The following ZNF385D variants were observed in gnomAD, a reference collection of about 807,000 sequenced individuals.
ZNF385D encodes zinc finger protein 385D, also known as zinc finger protein 659.
A neutral mutation model predicts 35.8 loss-of-function variants in ZNF385D; 15 were observed. The observed-to-expected ratio is 0.42, with a 90% confidence interval of 0.28 to 0.64. The LOEUF (loss-of-function observed/expected upper bound fraction) is 0.64, where lower values mean the gene tolerates loss of function less well. Among genes scored for constraint, ZNF385D ranks in the 30% least tolerant of loss-of-function variants. The pLI is 0.23. For synonymous variants in ZNF385D, 212 were observed against 186.8 expected (o/e 1.13, Z -1.10); for missense variants, 474 against 494.6 (o/e 0.96, Z 0.39).
chr3:21,573,931 G>C (rs569447608), intron 2 of ZNF385D, among the ~76,000 whole-genome samples: 3 of 151,746 alleles, frequency 2.0e-5, no homozygotes, highest in Non-Finnish European at 4.4e-5. Flanking sequence ...GTGGTGGCGG[G>C]CGCTTGTAAT....
chr3:22,066,577 TGTG>T, intron 3 of ZNF385D, among the ~76,000 whole-genome samples: 1 of 120,930 alleles, frequency 8.3e-6, no homozygotes, highest in Non-Finnish European at 1.7e-5. Context: ...TGTGTGTGTG[TGTG>T]TAAGTAAAAA....
chr3:22,159,410 CAG>C (rs201951859), intron 3 of ZNF385D, among the ~76,000 whole-genome samples: 1,589 of 152,104 alleles, frequency 0.01, 26 homozygotes, highest in African/African-American at 0.035. Context: ...TCATCTTGGA[CAG>C]AGTAACCTAT....
rs372020002 is a variant in ZNF385D, at chr3:21,539,898, C to T, written c.276+24676G>A. Among the ~76,000 whole-genome samples, 1 of 151,998 alleles carries T rather than the reference C, an allele frequency of 6.6e-6. No individual in the cohort carries two copies. The highest frequency in any genetic ancestry group is 2.1e-4 in the South Asian group (1 of 4,826). On this transcript the variant is annotated intron_variant, in intron 3 of 7. Coordinates refer to ENST00000281523, the MANE Select transcript of ZNF385D (RefSeq NM_024697.3). The surrounding 1 kb of genome is among the most constrained non-coding windows in gnomAD (Gnocchi z 4.0). ...GCAATTGATTTTAAAATATTTACTT[C>T]TCTATGTCTTTTTAAACCATGAAGA...
intron 2 of ZNF385D, among the ~76,000 whole-genome samples, chr3:22,341,070 C>A (rs1387469435): frequency 6.6e-6 from 1 of 152,148 alleles, no homozygotes; most frequent in Non-Finnish European, 1.5e-5. Context: ...GGGACTTAGA[C>A]AAAGAATCAA....
chr3:21,795,946 A>T (rs2072129896), intron 3 of ZNF385D, among the ~76,000 whole-genome samples: 1 of 152,220 alleles, frequency 6.6e-6, no homozygotes, highest in African/African-American at 2.4e-5. Flanking sequence ...TAAGTAAAAG[A>T]ACTTAAGGCA....
intron 1 of ZNF385D, among the ~76,000 whole-genome samples, chr3:21,720,792 C>T (rs766335079): frequency 6.6e-6 from 1 of 152,156 alleles, no homozygotes; most frequent in Non-Finnish European, 1.5e-5. Context: ...CATGAGTCCT[C>T]TGGCATTTAA....
At chr3:21,903,227 C>A (rs533251427) in intron 3 of ZNF385D, among the ~76,000 whole-genome samples, 3 of 152,224 alleles carry the variant, frequency 2.0e-5, no homozygotes, top group African/African-American at 7.2e-5. Flanking sequence ...AGCCTTAGGG[C>A]AGAAACCGAT....
chr3:22,154,290 G>A (rs1158536880), intron 3 of ZNF385D, among the ~76,000 whole-genome samples: 3 of 152,062 alleles, frequency 2.0e-5, no homozygotes, highest in Non-Finnish European at 4.4e-5. Flanking sequence ...ATCCTGTATT[G>A]ATTCATGTTG....
chr3:22,335,362 G>A (rs1695116933), intron 2 of ZNF385D, among the ~76,000 whole-genome samples: 1 of 152,118 alleles, frequency 6.6e-6, no homozygotes, highest in Admixed American at 6.5e-5. Flanking sequence ...CACTATCCTT[G>A]CTCATGTGAG....
At chr3:21,511,058 G>T in intron 3 of ZNF385D, 35 bp from the exon 4 acceptor site, 1 of 1,611,932 alleles carries the variant, frequency 6.2e-7, no homozygotes, top group South Asian at 1.1e-5. Flanking sequence ...ATGCAATCAG[G>T]CTCATTTCTA....
intron 3 of ZNF385D, among the ~76,000 whole-genome samples, chr3:22,125,465 C>A (rs1486726019): frequency 6.6e-6 from 1 of 151,912 alleles, no homozygotes; most frequent in African/African-American, 2.4e-5. Context: ...CAATGCTATT[C>A]TGACAAGGAT....
chr3:22,128,205 C>A (rs1035190165), intron 3 of ZNF385D, among the ~76,000 whole-genome samples: 1 of 152,130 alleles, frequency 6.6e-6, no homozygotes, highest in Non-Finnish European at 1.5e-5. Context: ...TATATCATGC[C>A]ACTCCCTCCT....
At chr3:21,933,839 C>G (rs1325409447) in intron 3 of ZNF385D, among the ~76,000 whole-genome samples, 1 of 152,064 alleles carries the variant, frequency 6.6e-6, no homozygotes, top group Non-Finnish European at 1.5e-5. Flanking sequence ...TTTAAATTCT[C>G]TTAGGTTTTG....
At chr3:22,324,361 T>C (rs1694578507) in intron 2 of ZNF385D, among the ~76,000 whole-genome samples, 1 of 152,180 alleles carries the variant, frequency 6.6e-6, no homozygotes, top group Non-Finnish European at 1.5e-5. Flanking sequence ...CTACTAGAGC[T>C]AGTAAGATAT....
At chr3:22,191,942 T>C (rs979347674) in intron 2 of ZNF385D, among the ~76,000 whole-genome samples, 4 of 152,160 alleles carry the variant, frequency 2.6e-5, no homozygotes, top group African/African-American at 9.7e-5. Context: ...CAGATTCATC[T>C]AACAAAGCAT....
intron 2 of ZNF385D, among the ~76,000 whole-genome samples, chr3:22,283,514 G>A (rs1701873265): frequency 6.6e-6 from 1 of 152,078 alleles, no homozygotes; most frequent in African/African-American, 2.4e-5. Context: ...AATAATTCAT[G>A]TCTCTTTCAG....
At chr3:21,748,184 G>C (rs144671501) in intron 1 of ZNF385D, among the ~76,000 whole-genome samples, 115 of 152,292 alleles carry the variant, frequency 7.6e-4, no homozygotes, top group African/African-American at 2.4e-3. Context: ...TAAGAGTGAG[G>C]CTTAAGTCAT....
chr3:21,628,806 T>C (rs977590459), intron 2 of ZNF385D, among the ~76,000 whole-genome samples: 1 of 152,144 alleles, frequency 6.6e-6, no homozygotes, highest in Non-Finnish European at 1.5e-5. Flanking sequence ...GCACTATTAA[T>C]AATGATAATA....
chr3:21,660,195 G>A (rs1038272562), intron 2 of ZNF385D, among the ~76,000 whole-genome samples: 1 of 151,872 alleles, frequency 6.6e-6, no homozygotes, highest in Non-Finnish European at 1.5e-5. Context: ...ATATTATACA[G>A]AGGAGCAGCA....
Sources: gnomAD v4.1 joint callset for allele counts (sites outside exome capture counted in the v4.1 genomes callset) on GRCh38, gnomAD v4.1.1 for gene constraint, Gnocchi (gnomAD v3.1) non-coding constraint, MANE v1.5 for transcripts, NCBI Gene and HGNC (gene_info 2026-07-23, HGNC 2026-07-21) for gene names.